Variants in GRIA3 observed in about 807,000 individuals in gnomAD.
The protein encoded by GRIA3 is glutamate ionotropic receptor AMPA type subunit 3.
In GRIA3, 3 loss-of-function variants were observed where a neutral mutation model predicts 63.0. The ratio of observed to expected loss-of-function variants is 0.05; its 90% confidence interval spans 0.02 to 0.12. The LOEUF (loss-of-function observed/expected upper bound fraction) is 0.12, where lower values mean the gene tolerates loss of function less well. Ranked by LOEUF, GRIA3 falls within the 10% of genes least tolerant of loss-of-function variation. GRIA3 has a pLI of 1.00. For synonymous variants in GRIA3, 274 were observed against 257.9 expected, an observed-to-expected ratio of 1.06 and a Z score of -0.60; for missense variants, 347 against 700.9, an observed-to-expected ratio of 0.50 and a Z score of 5.70.
At chrX:123,360,071 T>C (rs1417039457) in intron 5 of GRIA3, among the ~76,000 whole-genome samples, 3 of 112,042 alleles carry the variant, frequency 2.7e-5, no homozygotes, top group Non-Finnish European at 5.6e-5. Context: ...AGAACTTCTA[T>C]GAGGAGAGAC....
chrX:123,435,696 T>C (rs2045640408), intron 12 of GRIA3, among the ~76,000 whole-genome samples: 1 of 112,310 alleles, frequency 8.9e-6, no homozygotes, highest in Non-Finnish European at 1.9e-5. Flanking sequence ...CTAGAGTGAA[T>C]GCCATAAATG....
intron 5 of GRIA3, among the ~76,000 whole-genome samples, chrX:123,357,992 A>T (rs772841001): frequency 9.9e-5 from 11 of 111,060 alleles, no homozygotes; most frequent in Admixed American, 1.9e-4. Flanking sequence ...AATGAGCCAA[A>T]TTATCCCTAC....
intron 4 of GRIA3, among the ~76,000 whole-genome samples, chrX:123,351,854 C>T (rs756195435): frequency 8.9e-6 from 1 of 112,031 alleles, no homozygotes; most frequent in South Asian, 3.8e-4. Flanking sequence ...ATGTTCCTAT[C>T]TTTAGATAAG....
At chrX:123,304,173 C>T (rs1264464796) in intron 3 of GRIA3, among the ~76,000 whole-genome samples, 5 of 111,163 alleles carry the variant, frequency 4.5e-5, no homozygotes, top group Non-Finnish European at 9.4e-5. Context: ...GAAAAGTGGG[C>T]TTACATATTT....
intron 1 of GRIA3, among the ~76,000 whole-genome samples, chrX:123,185,309 T>A (rs1446675478): frequency 9.0e-6 from 1 of 110,994 alleles, no homozygotes; most frequent in Non-Finnish European, 1.9e-5. Context: ...CTGGAGGGAG[T>A]TATCTTGGCT....
chrX:123,421,278 T>C (rs1486830695), intron 11 of GRIA3, among the ~76,000 whole-genome samples: 6 of 112,384 alleles, frequency 5.3e-5, no homozygotes, highest in African/African-American at 1.6e-4. Context: ...TAAAATGTTA[T>C]GCTTCTTAGC....
At position 123,478,862 on chromosome X, in the gene GRIA3, C is replaced by A. The variant is rs189498227; in HGVS notation, c.2325-1201C>A. Among the ~76,000 whole-genome samples, 15 of 112,855 alleles carry A rather than the reference C, an allele frequency of 1.3e-4. No homozygotes were observed. In the East Asian group the frequency reaches 3.6e-3, roughly 27 times the overall value. ...TGAATGTGAACAGACAGTTTATTGCCTCAGAATTATGCCACCCTCTCTACA... is the reference window on the plus strand; with the variant it reads ...TGAATGTGAACAGACAGTTTATTGCATCAGAATTATGCCACCCTCTCTACA... On this transcript the variant is annotated intron_variant, in intron 13 of 15. Transcript: ENST00000620443.
intron 2 of GRIA3, among the ~76,000 whole-genome samples, chrX:123,217,743 C>T (rs1928194740): frequency 8.9e-6 from 1 of 112,210 alleles, no homozygotes. Context: ...AAAGGATTTC[C>T]AATGAAGGGG....
chrX:123,258,261 G>A (rs756772564), intron 3 of GRIA3, among the ~76,000 whole-genome samples: 23 of 112,583 alleles, frequency 2.0e-4, no homozygotes, highest in Non-Finnish European at 3.2e-4. Flanking sequence ...CAACAGCTCA[G>A]CTGACCAATT....
At chrX:123,289,161 A>T (rs1462684127) in intron 3 of GRIA3, among the ~76,000 whole-genome samples, 2 of 111,158 alleles carry the variant, frequency 1.8e-5, no homozygotes, top group Non-Finnish European at 3.8e-5. Flanking sequence ...CAGCAAACTG[A>T]TGCAGGAACA....
intron 12 of GRIA3, 87 bp from the exon 13 acceptor site, chrX:123,464,778 T>C: frequency 1.2e-6 from 1 of 827,220 alleles, no homozygotes; most frequent in Non-Finnish European, 1.8e-6. Context: ...TACTGTGGAT[T>C]GCAATTAAAA....
At chrX:123,274,137 A>G (rs1036464402) in intron 3 of GRIA3, among the ~76,000 whole-genome samples, 4 of 112,589 alleles carry the variant, frequency 3.6e-5, no homozygotes, top group Non-Finnish European at 7.5e-5. Context: ...GTTTCAGATG[A>G]ATAACAAATA....
At chrX:123,487,902 A>T (rs183451685) in intron 15 of GRIA3, among the ~76,000 whole-genome samples, 1 of 112,236 alleles carries the variant, frequency 8.9e-6, no homozygotes, top group African/African-American at 3.2e-5. Context: ...CCAGTGGTAG[A>T]TCATAATTAC....
At chrX:123,347,394 T>C (rs1432486964) in intron 4 of GRIA3, among the ~76,000 whole-genome samples, 1 of 111,921 alleles carries the variant, frequency 8.9e-6, no homozygotes, top group African/African-American at 3.2e-5. Context: ...TCCTGAAAAA[T>C]CAAAGGCCCA....
intron 13 of GRIA3, among the ~76,000 whole-genome samples, chrX:123,473,458 G>A (rs1198191158): frequency 3.6e-5 from 4 of 112,031 alleles, no homozygotes; most frequent in African/African-American, 1.3e-4. Context: ...AACCTGGGCA[G>A]AGATGTCTGT....
At chrX:123,463,337 C>T (rs2045804120) in intron 12 of GRIA3, among the ~76,000 whole-genome samples, 1 of 108,074 alleles carries the variant, frequency 9.3e-6, no homozygotes, top group Non-Finnish European at 1.9e-5. Context: ...CACTTGAGCC[C>T]AGGAGTTTGA....
intron 10 of GRIA3, among the ~76,000 whole-genome samples, chrX:123,417,007 G>T (rs2045540068): frequency 8.9e-6 from 1 of 112,229 alleles, no homozygotes; most frequent in Non-Finnish European, 1.9e-5. Flanking sequence ...TGCTCCACAA[G>T]AATTTTCAGT....
At chrX:123,456,625 C>T (rs888896640) in intron 12 of GRIA3, among the ~76,000 whole-genome samples, 5 of 110,768 alleles carry the variant, frequency 4.5e-5, no homozygotes, top group African/African-American at 6.6e-5. Flanking sequence ...GACATGCAAG[C>T]ACATTGTCCT....
intron 12 of GRIA3, among the ~76,000 whole-genome samples, chrX:123,436,987 G>A (rs1223074180): frequency 3.6e-5 from 4 of 109,830 alleles, no homozygotes; most frequent in Non-Finnish European, 5.7e-5. Context: ...AGTAAAATTC[G>A]ACTTACGAAA....
Sources: allele counts gnomAD v4.1 joint callset (sites outside exome capture counted in the v4.1 genomes callset), GRCh38; gene constraint gnomAD v4.1.1; transcripts MANE v1.5; gene names NCBI Gene and HGNC (gene_info 2026-07-23, HGNC 2026-07-21).